Variants in APP observed in about 807,000 individuals in gnomAD.
The protein encoded by APP is amyloid beta precursor protein.
In APP, 31 loss-of-function variants were observed where a neutral mutation model predicts 101.4. That is an observed-to-expected ratio of 0.31 (90% CI 0.23 to 0.41). APP has a LOEUF of 0.41. Among genes scored for constraint, APP ranks in the 10% least tolerant of loss-of-function variants. APP has a pLI of 1.00. For synonymous variants in APP, 366 were observed against 364.4 expected, an observed-to-expected ratio of 1.00 and a Z score of -0.05; for missense variants, 839 against 1,003.7, an observed-to-expected ratio of 0.84 and a Z score of 2.22.
intron 1 of APP, among the ~76,000 whole-genome samples, chr21:26,129,145 T>C (rs1386737377): frequency 6.6e-6 from 1 of 152,090 alleles, no homozygotes; most frequent in East Asian, 1.9e-4. Context: ...AGGGTACAAG[T>C]CAAGAATTTT....
intron 17 of APP, among the ~76,000 whole-genome samples, chr21:25,882,722 TA>T (rs1477199264): frequency 6.6e-6 from 1 of 152,124 alleles, no homozygotes; most frequent in Non-Finnish European, 1.5e-5. Context: ...TCCTCTTTTG[TA>T]AAACCATGGT....
chr21:26,073,918 A>G (rs1310558657), intron 3 of APP, among the ~76,000 whole-genome samples: 1 of 152,206 alleles, frequency 6.6e-6, no homozygotes, highest in Non-Finnish European at 1.5e-5. Context: ...TGCTTGGAGA[A>G]TATCATTAGT....
At chr21:25,912,873 T>C (rs946768682) in intron 13 of APP, among the ~76,000 whole-genome samples, 1 of 151,550 alleles carries the variant, frequency 6.6e-6, no homozygotes, top group Non-Finnish European at 1.5e-5. Flanking sequence ...CCCCAGGATA[T>C]GAAGATTTGT....
At chr21:26,024,783 C>CA (rs145138055) in intron 5 of APP, among the ~76,000 whole-genome samples, 1 of 152,008 alleles carries the variant, frequency 6.6e-6, no homozygotes, top group Admixed American at 6.6e-5. Context: ...ATAAAAGTTT[C>CA]AAAAAAATGT....
chr21:25,992,956 A>G (rs768856076), intron 8 of APP, among the ~76,000 whole-genome samples: 2 of 152,252 alleles, frequency 1.3e-5, no homozygotes, highest in Non-Finnish European at 2.9e-5. Flanking sequence ...CAATAGTTCA[A>G]ATTTGGCCAA....
chr21:26,170,499 G>C, intron 1 of APP, 65 bp downstream of exon 1: 1 of 1,493,274 alleles, frequency 6.7e-7, no homozygotes, highest in Non-Finnish European at 9.0e-7. Flanking sequence ...CTTGGGTTAA[G>C]GTCTTGGGGG....
intron 2 of APP, among the ~76,000 whole-genome samples, chr21:26,096,651 C>A (rs1042313816): frequency 1.3e-5 from 2 of 152,180 alleles, no homozygotes; most frequent in African/African-American, 4.8e-5. Flanking sequence ...GTGGCTTGCG[C>A]CTATAGTCCC....
chr21:26,159,938 G>C (rs142788101), intron 1 of APP, among the ~76,000 whole-genome samples: 42 of 152,226 alleles, frequency 2.8e-4, no homozygotes, highest in Middle Eastern at 3.4e-3. Context: ...GAACTACCAA[G>C]AAACAAGGAA....
chr21:25,976,292 G>A (rs1041717176), intron 9 of APP, among the ~76,000 whole-genome samples: 2 of 151,572 alleles, frequency 1.3e-5, no homozygotes, highest in African/African-American at 4.9e-5. Context: ...TTTTTACCCC[G>A]AGAACTGACA....
intron 3 of APP, among the ~76,000 whole-genome samples, chr21:26,059,316 C>T (rs1016803720): frequency 6.6e-6 from 1 of 152,158 alleles, no homozygotes; most frequent in Non-Finnish European, 1.5e-5. Context: ...TGCCTGAGGT[C>T]TTTGGACTTC....
intron 5 of APP, among the ~76,000 whole-genome samples, chr21:26,050,180 T>A (rs1487036248): frequency 2.0e-5 from 3 of 152,072 alleles, no homozygotes; most frequent in African/African-American, 4.8e-5. Flanking sequence ...AGTTTGCCGA[T>A]TATAAACTTA....
At chr21:25,881,814 C>A (rs1200241036) in intron 17 of APP, 43 bp from the exon 18 acceptor site, 43 of 1,573,736 alleles carry the variant, frequency 2.7e-5, no homozygotes, top group Middle Eastern at 2.0e-4. Flanking sequence ...AAAAATCAAT[C>A]TTTTAAGGGT....
intron 1 of APP, among the ~76,000 whole-genome samples, chr21:26,128,132 C>T (rs1321911832): frequency 6.6e-6 from 1 of 152,166 alleles, no homozygotes; most frequent in East Asian, 1.9e-4. Flanking sequence ...CGTCTGCCTG[C>T]CAAGTTGTCT....
chr21:25,971,553 A>G (rs908452262), intron 11 of APP, among the ~76,000 whole-genome samples: 1 of 152,234 alleles, frequency 6.6e-6, no homozygotes, highest in Non-Finnish European at 1.5e-5. Flanking sequence ...TGTAATTCAC[A>G]GGACAGGGTA....
chr21:25,960,604 G>A (rs1169374555), intron 11 of APP, among the ~76,000 whole-genome samples: 1 of 152,158 alleles, frequency 6.6e-6, no homozygotes, highest in Non-Finnish European at 1.5e-5. Context: ...GATTTGGCCT[G>A]CCACAATAAC....
chr21:26,047,965 G>A (rs988971945), intron 5 of APP, among the ~76,000 whole-genome samples: 2 of 152,150 alleles, frequency 1.3e-5, no homozygotes, highest in Non-Finnish European at 2.9e-5. Flanking sequence ...TAAATAAAAT[G>A]TTGTTAAAAT....
intron 13 of APP, 68 bp from the exon 14 acceptor site, chr21:25,912,030 C>A: frequency 8.0e-7 from 1 of 1,246,604 alleles, no homozygotes. Context: ...GCAGCAGCCA[C>A]CATTTACTTC....
chr21:26,043,121 C>T (rs2045449141), intron 5 of APP, among the ~76,000 whole-genome samples: 1 of 152,186 alleles, frequency 6.6e-6, no homozygotes, highest in African/African-American at 2.4e-5. Context: ...CATCCCTCTT[C>T]TGCCCATGGA....
intron 5 of APP, among the ~76,000 whole-genome samples, chr21:26,039,318 C>T (rs1326457791): frequency 6.6e-6 from 1 of 152,202 alleles, no homozygotes; most frequent in African/African-American, 2.4e-5. Flanking sequence ...AACAGCTCTT[C>T]ACAAAGGCTG....
Sources: allele counts gnomAD v4.1 joint callset (sites outside exome capture counted in the v4.1 genomes callset), GRCh38; gene constraint gnomAD v4.1.1; transcripts MANE v1.5; gene names NCBI Gene and HGNC (gene_info 2026-07-23, HGNC 2026-07-21).